AMN1: variants seen among roughly 807,000 people sequenced by gnomAD.
AMN1 encodes protein AMN1 homolog.
AMN1 carries 20 observed loss-of-function variants against 33.0 expected under a neutral mutation model. The ratio of observed to expected loss-of-function variants is 0.61; its 90% confidence interval spans 0.43 to 0.88. The LOEUF (loss-of-function observed/expected upper bound fraction) is 0.88. AMN1 is among the 40% of genes least tolerant of loss of function. AMN1 has a pLI of 0.00. For synonymous variants in AMN1, 114 were observed against 111.9 expected (o/e 1.02, Z -0.12); for missense variants, 246 against 307.4 (o/e 0.80, Z 1.49).
intron 5 of AMN1, among the ~76,000 whole-genome samples, chr12:31,690,217 CAT>C (rs1256846648): frequency 2.0e-5 from 3 of 152,198 alleles, no homozygotes; most frequent in South Asian, 2.1e-4. Context: ...CTGCTATAAA[CAT>C]GTGTGTACAA....
At chr12:31,676,412 C>G (rs1319409444) in intron 6 of AMN1, among the ~76,000 whole-genome samples, 1 of 151,316 alleles carries the variant, frequency 6.6e-6, no homozygotes, top group Non-Finnish European at 1.5e-5. Context: ...GAGTTTGAGA[C>G]TAGCCTGGGC....
intron 5 of AMN1, among the ~76,000 whole-genome samples, chr12:31,691,258 T>A (rs1938488678): frequency 6.6e-6 from 1 of 152,078 alleles, no homozygotes; most frequent in Non-Finnish European, 1.5e-5. Context: ...TATATTATAT[T>A]CTGCAGAATT....
intron 1 of AMN1, among the ~76,000 whole-genome samples, chr12:31,712,667 A>G (rs1225427981): frequency 1.3e-5 from 2 of 149,608 alleles, no homozygotes; most frequent in Non-Finnish European, 3.0e-5. Context: ...GGTTATTTTT[A>G]TTTTTTTGAG....
chr12:31,700,195 C>G (rs999727888), intron 3 of AMN1, among the ~76,000 whole-genome samples: 10 of 149,446 alleles, frequency 6.7e-5, no homozygotes, highest in African/African-American at 2.5e-4. Context: ...GAGACCTCGT[C>G]TCTACTAAAA....
At chr12:31,684,669 C>T (rs1349433506) in intron 6 of AMN1, among the ~76,000 whole-genome samples, 1 of 152,052 alleles carries the variant, frequency 6.6e-6, no homozygotes, top group African/African-American at 2.4e-5. Flanking sequence ...GACAGGGTTT[C>T]ACCGTGTTAG....
intron 6 of AMN1, among the ~76,000 whole-genome samples, chr12:31,684,258 C>A (rs1938155301): frequency 6.6e-6 from 1 of 152,010 alleles, no homozygotes; most frequent in African/African-American, 2.4e-5. Context: ...TTGCAACAAC[C>A]CATAAGAAAT....
At chr12:31,703,799 G>A (rs1939108001) in intron 2 of AMN1, among the ~76,000 whole-genome samples, 1 of 152,042 alleles carries the variant, frequency 6.6e-6, no homozygotes, top group African/African-American at 2.4e-5. Context: ...ATCCTACACT[G>A]GCAAACACTT....
At chr12:31,698,041 A>C in intron 3 of AMN1, 84 bp from the exon 4 acceptor site, 2 of 1,332,650 alleles carry the variant, frequency 1.5e-6, no homozygotes, top group Middle Eastern at 2.0e-4. Flanking sequence ...TCATTTTAGC[A>C]ATCACCAGTT....
intron 5 of AMN1, among the ~76,000 whole-genome samples, chr12:31,696,698 G>A (rs1333389978): frequency 1.3e-5 from 2 of 152,010 alleles, no homozygotes; most frequent in Non-Finnish European, 2.9e-5. Flanking sequence ...AGGCCGAGGC[G>A]GTCGGATCAC....
intron 5 of AMN1, among the ~76,000 whole-genome samples, chr12:31,689,461 T>C (rs1445519926): frequency 6.6e-6 from 1 of 152,062 alleles, no homozygotes; most frequent in African/African-American, 2.4e-5. Context: ...CTTGTAATAG[T>C]AAAAAAAGTG....
chr12:31,695,123 A>T (rs1425097106), intron 5 of AMN1, among the ~76,000 whole-genome samples: 2 of 152,098 alleles, frequency 1.3e-5, no homozygotes, highest in Non-Finnish European at 2.9e-5. Flanking sequence ...TCACCAACAC[A>T]CTGGTTATTG....
At chr12:31,723,253 T>A (rs1939942036) in intron 1 of AMN1, among the ~76,000 whole-genome samples, 1 of 152,096 alleles carries the variant, frequency 6.6e-6, no homozygotes, top group Non-Finnish European at 1.5e-5. Flanking sequence ...CTGGGGCTAT[T>A]GTTAATGTGT....
intron 2 of AMN1, among the ~76,000 whole-genome samples, chr12:31,703,248 T>C (rs1286402680): frequency 6.6e-6 from 1 of 152,198 alleles, no homozygotes; most frequent in Non-Finnish European, 1.5e-5. Context: ...TTTTAACCTC[T>C]ATAACTAAAA....
chr12:31,725,091 A>G (rs1410186682), intron 1 of AMN1, among the ~76,000 whole-genome samples: 1 of 152,216 alleles, frequency 6.6e-6, no homozygotes, highest in African/African-American at 2.4e-5. Flanking sequence ...TTCTCCCCCC[A>G]CAGTGGCGAA....
intron 1 of AMN1, among the ~76,000 whole-genome samples, chr12:31,728,426 T>C (rs927316195): frequency 6.8e-6 from 1 of 147,646 alleles, no homozygotes; most frequent in African/African-American, 2.4e-5. Flanking sequence ...AAAAATTTTA[T>C]AGATAAAGAA....
Position 31,701,983 on chromosome 12 carries a change from GAGTTTGGACTTC to G in AMN1, c.184_195del (p.Glu62_Thr65del). On this transcript the variant is annotated inframe_deletion, in exon 3 of 7. Transcript: ENST00000281471. ...GATATATCGCAGCTCCGTAGATCTAGAGTTTGGACTTCAGGATGTAAAATCTATAACAAATAA... is the reference window on the plus strand; with the variant it reads ...GATATATCGCAGCTCCGTAGATCTAGAGGATGTAAAATCTATAACAAATAA... The G allele has an allele frequency of 6.2e-7, 1 of 1,603,878 alleles. No homozygotes were observed. Among genetic ancestry groups the G allele is most frequent in the Admixed American group, 1.8e-5 (1 of 57,110 alleles).
At chr12:31,718,824 C>T (rs990087193) in intron 1 of AMN1, among the ~76,000 whole-genome samples, 3 of 152,232 alleles carry the variant, frequency 2.0e-5, no homozygotes, top group African/African-American at 7.2e-5. Context: ...TAGTGGGCTC[C>T]GCCCAGTGTG....
rs1938140296 is a variant in AMN1, at chr12:31,683,949, A to T, written c.703+5058T>A. Among the ~76,000 whole-genome samples the T allele has an allele frequency of 6.6e-6, 1 of 152,214 alleles. No homozygotes were observed. The highest frequency in any genetic ancestry group is 6.5e-5 in the Admixed American group (1 of 15,274). On this transcript the variant is annotated intron_variant, in intron 6 of 6. Coordinates refer to ENST00000281471, the MANE Select transcript of AMN1 (RefSeq NM_001113402.2). The surrounding 1 kb of genome is among the most constrained non-coding windows in gnomAD (Gnocchi z 4.1). ...GCTTTAGCTTTCAAGTGAATTTTGGAAGCCTCGTAGCTGCCACTGTGATCT... is the reference window on the plus strand; with the variant it reads ...GCTTTAGCTTTCAAGTGAATTTTGGTAGCCTCGTAGCTGCCACTGTGATCT...
intron 6 of AMN1, among the ~76,000 whole-genome samples, chr12:31,686,856 C>T (rs536139306): frequency 5.3e-5 from 8 of 152,202 alleles, no homozygotes; most frequent in African/African-American, 1.7e-4. Flanking sequence ...ACAGCCACCA[C>T]GTCCAACCAA....
Sources: gnomAD v4.1 joint callset for allele counts (sites outside exome capture counted in the v4.1 genomes callset) on GRCh38, gnomAD v4.1.1 for gene constraint, Gnocchi (gnomAD v3.1) non-coding constraint, MANE v1.5 for transcripts, NCBI Gene and HGNC (gene_info 2026-07-23, HGNC 2026-07-21) for gene names.